Variants in FMNL2 observed in about 807,000 individuals in gnomAD.
FMNL2 encodes the protein formin-like protein 2.
FMNL2 carries 51 observed loss-of-function variants against 130.2 expected under a neutral mutation model. The observed-to-expected ratio is 0.39, with a 90% CI of 0.31 to 0.49. The LOEUF (loss-of-function observed/expected upper bound fraction) is 0.49, where lower values mean the gene tolerates loss of function less well. FMNL2 is among the 20% of genes least tolerant of loss of function. FMNL2 has a pLI of 0.85. For missense variants in FMNL2, 977 were observed against 1,316.2 expected (o/e 0.74, Z 3.99); for synonymous variants, 465 against 467.1 (o/e 1.00, Z 0.06).
chr2:152,639,202 A>ATC (rs1682879080), intron 23 of FMNL2, among the ~76,000 whole-genome samples: 1 of 152,232 alleles, frequency 6.6e-6, no homozygotes. Context: ...GTTTTAGGAC[A>ATC]TCATCCCTCT....
chr2:152,598,342 A>G (rs1026411715), intron 9 of FMNL2, among the ~76,000 whole-genome samples: 2 of 152,178 alleles, frequency 1.3e-5, no homozygotes, highest in Admixed American at 6.5e-5. Flanking sequence ...CTGGTAAGTC[A>G]TCCCAGAGAG....
chr2:152,388,151 G>A (rs1381253397), intron 1 of FMNL2, among the ~76,000 whole-genome samples: 2 of 152,172 alleles, frequency 1.3e-5, no homozygotes, highest in Non-Finnish European at 2.9e-5. Context: ...AGACATAATT[G>A]AGGTTAGCTC....
Position 152,549,010 on chromosome 2 carries a change from T to C in FMNL2, c.283-11T>C, listed in dbSNP as rs1349258530. 3.1e-6 allele frequency: 5 copies of C among 1,596,390 alleles called. No homozygotes were observed. The highest frequency in any genetic ancestry group is 1.7e-6 in the Non-Finnish European group (2 of 1,172,824). The stretch of plus-strand genomic sequence containing the variant: ...AAATATTTTGTGAGAATATGTGTTC[T>C]TGAATTATAGAAATTCAGACGGCGT... On this transcript the variant is annotated splice_polypyrimidine_tract_variant and intron_variant, in intron 3 of 25. Coordinates refer to ENST00000288670, the MANE Select transcript of FMNL2 (RefSeq NM_052905.4).
intron 1 of FMNL2, among the ~76,000 whole-genome samples, chr2:152,364,466 A>G (rs906214068): frequency 3.3e-5 from 5 of 152,124 alleles, no homozygotes; most frequent in African/African-American, 7.2e-5. Flanking sequence ...TCATGATATT[A>G]GCCAGAGAAC....
At chr2:152,452,512 G>A (rs1688698733) in intron 1 of FMNL2, among the ~76,000 whole-genome samples, 2 of 137,538 alleles carry the variant, frequency 1.5e-5, no homozygotes, top group Admixed American at 7.8e-5. Context: ...GCGAATCAAT[G>A]TGGGTTGGTA....
intron 1 of FMNL2, among the ~76,000 whole-genome samples, chr2:152,374,124 A>G (rs917102269): frequency 2.6e-5 from 4 of 152,200 alleles, no homozygotes; most frequent in Non-Finnish European, 5.9e-5. Flanking sequence ...TCAGTTATGT[A>G]TGTAATAATC....
At chr2:152,443,919 A>G (rs757160889) in intron 1 of FMNL2, among the ~76,000 whole-genome samples, 14 of 152,142 alleles carry the variant, frequency 9.2e-5, no homozygotes, top group Non-Finnish European at 2.9e-5. Context: ...GAAATTAAGT[A>G]CTAAAGAGGG....
intron 1 of FMNL2, among the ~76,000 whole-genome samples, chr2:152,355,483 C>T (rs1309271523): frequency 3.9e-5 from 6 of 152,040 alleles, no homozygotes; most frequent in Admixed American, 3.3e-4. Context: ...TTTTTTAGGG[C>T]TTTAGGTTTT....
intron 1 of FMNL2, among the ~76,000 whole-genome samples, chr2:152,394,876 A>G (rs925939039): frequency 6.6e-6 from 1 of 152,178 alleles, no homozygotes; most frequent in African/African-American, 2.4e-5. Flanking sequence ...ATTTGAGGAT[A>G]AGCAAAACCC....
At chr2:152,611,472 AC>A in intron 10 of FMNL2, 22 bp from the exon 11 acceptor site, 1 of 1,465,630 alleles carries the variant, frequency 6.8e-7, no homozygotes, top group Non-Finnish European at 9.4e-7. Context: ...AGCCCATCTA[AC>A]CCCTTGACAA....
At chr2:152,639,713 C>A (rs1402988005) in intron 23 of FMNL2, among the ~76,000 whole-genome samples, 1 of 152,130 alleles carries the variant, frequency 6.6e-6, no homozygotes, top group Non-Finnish European at 1.5e-5. Flanking sequence ...AAAGTTCAAA[C>A]AGGGAGCGAT....
chr2:152,622,173 CGTCT>C (rs1243043019), intron 15 of FMNL2, among the ~76,000 whole-genome samples: 3 of 152,156 alleles, frequency 2.0e-5, no homozygotes, highest in Non-Finnish European at 4.4e-5. Context: ...GAACCTTTGC[CGTCT>C]GTCTGGGAGG....
chr2:152,401,747 A>G (rs1165615479), intron 1 of FMNL2, among the ~76,000 whole-genome samples: 17 of 152,036 alleles, frequency 1.1e-4, no homozygotes, highest in Admixed American at 9.8e-4. Context: ...CTTTGAGCCT[A>G]AAGTTCATTT....
chr2:152,370,482 A>AAGC, intron 1 of FMNL2, among the ~76,000 whole-genome samples: 1 of 152,304 alleles, frequency 6.6e-6, no homozygotes, highest in East Asian at 1.9e-4. Flanking sequence ...CCTTCAAATA[A>AAGC]TATGAGCTTT....
intron 25 of FMNL2, among the ~76,000 whole-genome samples, chr2:152,647,130 C>T (rs549393789): frequency 3.9e-5 from 6 of 152,058 alleles, no homozygotes; most frequent in East Asian, 1.9e-4. Context: ...GTGGGAGAAT[C>T]GCTTGAGACT....
chr2:152,499,398 T>G (rs1043581842), intron 1 of FMNL2, among the ~76,000 whole-genome samples: 1 of 152,108 alleles, frequency 6.6e-6, no homozygotes, highest in Admixed American at 6.5e-5. Flanking sequence ...GCTGGTTGCT[T>G]TTGGAGGAAG....
At chr2:152,444,885 C>T (rs1688255096) in intron 1 of FMNL2, among the ~76,000 whole-genome samples, 1 of 152,216 alleles carries the variant, frequency 6.6e-6, no homozygotes, top group Admixed American at 6.5e-5. Context: ...TAATTGCGCC[C>T]ACTTAGTTGG....
intron 9 of FMNL2, among the ~76,000 whole-genome samples, chr2:152,593,143 G>T (rs1426990612): frequency 6.6e-6 from 1 of 152,090 alleles, no homozygotes. Context: ...AAAAATATCT[G>T]ACCAGGGTCC....
intron 9 of FMNL2, among the ~76,000 whole-genome samples, chr2:152,591,785 GAC>G (rs2105779569): frequency 6.6e-6 from 1 of 152,210 alleles, no homozygotes; most frequent in South Asian, 2.1e-4. Flanking sequence ...CAGCCTGGGC[GAC>G]ACAGCGAGAA....
Sources: gnomAD v4.1 joint callset for allele counts (sites outside exome capture counted in the v4.1 genomes callset) on GRCh38, gnomAD v4.1.1 for gene constraint, MANE v1.5 for transcripts, NCBI Gene and HGNC (gene_info 2026-07-23, HGNC 2026-07-21) for gene names.